MSANTD4: variants seen among roughly 807,000 people sequenced by gnomAD.
The protein encoded by MSANTD4 is Myb/SANT DNA binding domain containing 4 with coiled-coils.
MSANTD4 carries 13 observed loss-of-function variants against 34.3 expected under a neutral mutation model. The ratio of observed to expected loss-of-function variants is 0.38; its 90% CI spans 0.25 to 0.60. The LOEUF (loss-of-function observed/expected upper bound fraction) is 0.60. MSANTD4 is among the 20% of genes least tolerant of loss of function. The pLI, the probability that MSANTD4 is intolerant of heterozygous loss-of-function variation, is 0.63. For synonymous variants in MSANTD4, 137 were observed against 145.2 expected (o/e 0.94, Z 0.41); for missense variants, 358 against 401.8 (o/e 0.89, Z 0.93).
rs529257784 is a variant in MSANTD4, at chr11:106,007,909, G to T, written c.*1626C>A. 2 of 152,726 alleles carry T rather than the reference G, an allele frequency of 1.3e-5. No individual in the cohort carries two copies. The highest frequency in any genetic ancestry group is 4.1e-4 in the South Asian group (2 of 4,824). 9.5% of individuals were successfully genotyped at this position (152,726 alleles called of 1,614,324 possible). A position where few individuals can be genotyped will look rare whatever the true frequency, so the allele number is the denominator to read the frequency against. ...ATCTGAAATTACAAATTCTCAGATA[G>T]TATAGGCAAATTTATTTCTATGGTA... On this transcript the variant is annotated 3_prime_UTR_variant, in exon 3 of 3. Transcript: ENST00000301919.
chr11:106,012,703 T>C (rs951884353), intron 1 of MSANTD4, among the ~76,000 whole-genome samples: 1 of 152,204 alleles, frequency 6.6e-6, no homozygotes, highest in Admixed American at 6.5e-5. Flanking sequence ...AAGTGGGACC[T>C]AGCAATCTGT....
chr11:106,016,715 G>A (rs966454692), intron 1 of MSANTD4, among the ~76,000 whole-genome samples: 9 of 152,322 alleles, frequency 5.9e-5, no homozygotes, highest in African/African-American at 2.2e-4. Flanking sequence ...CAGTTAGCCT[G>A]TAAGTGAAGA....
At chr11:106,015,992 T>C (rs1273118068) in intron 1 of MSANTD4, among the ~76,000 whole-genome samples, 2 of 152,076 alleles carry the variant, frequency 1.3e-5, no homozygotes, top group Non-Finnish European at 2.9e-5. Flanking sequence ...GCTTCCTGAG[T>C]AGCAAGGCAG....
At chr11:106,019,130 T>C (rs962814980) in intron 1 of MSANTD4, among the ~76,000 whole-genome samples, 1 of 152,182 alleles carries the variant, frequency 6.6e-6, no homozygotes, top group African/African-American at 2.4e-5. Context: ...TCTGGTCTTA[T>C]CCATCACCTC....
chr11:106,016,081 C>T (rs1209209533), intron 1 of MSANTD4, among the ~76,000 whole-genome samples: 1 of 152,162 alleles, frequency 6.6e-6, no homozygotes, highest in East Asian at 1.9e-4. Flanking sequence ...TGGTCTTGAA[C>T]TTTTTGCCTC....
At position 106,008,241 on chromosome 11, in the gene MSANTD4, G is replaced by C. The variant is rs1372217326; in HGVS notation, c.*1294C>G. 1 of 152,464 alleles carries C rather than the reference G, an allele frequency of 6.6e-6. No homozygotes were observed. The highest frequency in any genetic ancestry group is 1.5e-5 in the Non-Finnish European group (1 of 68,024). The allele number at this position is 152,464 out of a possible 1,614,324, so 9.4% of individuals were successfully genotyped here. ...TCAGAGAGCTGAAGGAAAATCATCA[G>C]GTCAAGCAAGCCCTTGGTCTCAGAA... On this transcript the variant is annotated 3_prime_UTR_variant, in exon 3 of 3. Coordinates refer to ENST00000301919, the MANE Select transcript of MSANTD4 (RefSeq NM_032424.3).
In MSANTD4 at chr11:106,009,548, CCTT is replaced by C. The variant is rs771394817; in HGVS notation, c.1022_1024del (p.Glu341del). On this transcript the variant is annotated inframe_deletion, in exon 3 of 3. Coordinates refer to ENST00000301919, the MANE Select transcript of MSANTD4 (RefSeq NM_032424.3). ...AGCCTGGAAAAATCACTGCAAGTGT[CCTT>C]CTTTCTGAATTCGAAGTCTGTCTTT... 2.5e-6 allele frequency: 4 copies of C among 1,600,556 alleles called. No homozygotes were observed. The highest frequency in any genetic ancestry group is 2.7e-5 in the African/African-American group (2 of 73,974).
rs781657978 is a variant in MSANTD4, at chr11:106,010,443, G to A, written c.462+13C>T. The A allele has an allele frequency of 1.2e-6, 2 of 1,601,398 alleles. No individual in the cohort carries two copies. Among genetic ancestry groups the A allele is most frequent in the Non-Finnish European group, 1.7e-6 (2 of 1,173,710 alleles). ...TGAAAAGATTAAAAGAGGGTACAGAGGCTAATACTTACTTCAGGACTCTGC... is the reference window on the plus strand; with the variant it reads ...TGAAAAGATTAAAAGAGGGTACAGAAGCTAATACTTACTTCAGGACTCTGC... On this transcript the variant is annotated intron_variant, in intron 2 of 2. Transcript: ENST00000301919.
At chr11:106,011,761 A>G (rs1859700331) in intron 1 of MSANTD4, among the ~76,000 whole-genome samples, 1 of 152,214 alleles carries the variant, frequency 6.6e-6, no homozygotes, top group South Asian at 2.1e-4. Flanking sequence ...TGAATGAAAG[A>G]GTCGATTTGC....
At chr11:106,011,362 C>T (rs1859684037) in intron 1 of MSANTD4, among the ~76,000 whole-genome samples, 1 of 152,176 alleles carries the variant, frequency 6.6e-6, no homozygotes, top group Admixed American at 6.5e-5. Context: ...CACTGGCCAT[C>T]TTTCAGCCAC....
rs575309489 is a variant in MSANTD4 at position 106,009,154 on chromosome 11, C to T, written c.*381G>A. ...CATTGCACAGTAGCAACCTTTTCCC[C>T]ACCCCAGTTTTGACAACCCAACATG... On this transcript the variant is annotated 3_prime_UTR_variant, in exon 3 of 3. Transcript: ENST00000301919. The T allele has an allele frequency of 3.5e-5, 6 of 171,988 alleles. No individual in the cohort carries two copies. In the East Asian group the frequency reaches 8.1e-4, roughly 23 times the overall value. The allele number at this position is 171,988 out of a possible 1,614,324, so 10.7% of individuals were successfully genotyped here.
chr11:106,012,303 C>T (rs576641937), intron 1 of MSANTD4, among the ~76,000 whole-genome samples: 1 of 152,280 alleles, frequency 6.6e-6, no homozygotes, highest in African/African-American at 2.4e-5. Context: ...CCTTAAACCA[C>T]CAAACAAAAG....
In MSANTD4 at chr11:106,021,312, T is replaced by C. The variant is rs1658937333; in HGVS notation, c.-501A>G. The C allele has an allele frequency of 1.3e-5, 2 of 152,210 alleles. No homozygotes were observed. The highest frequency in any genetic ancestry group is 2.9e-5 in the Non-Finnish European group (2 of 68,032). 9.4% of individuals were successfully genotyped at this position (152,210 alleles called of 1,614,324 possible). On this transcript the variant is annotated 5_prime_UTR_variant, in exon 1 of 3. Transcript: ENST00000301919. ...CATTTTCTAAAATCCCATTTCACAA[T>C]CGTTCTTCACTAGTTGGAAACAGGA...
chr11:106,009,836 T>A lies in MSANTD4; in HGVS notation c.737A>T (p.Glu246Val). Residue 246 changes from glutamate (E) to valine (V), a missense_variant, in exon 3 of 3, where the codon GAA becomes GTA. Glu to Val is a moderately radical substitution (Grantham distance 121). Coordinates refer to ENST00000301919, the MANE Select transcript of MSANTD4 (RefSeq NM_032424.3). ...CTTCTCTAGCTGAAGCCGCTCATGT[T>A]CCATGTCTAAATGCCGCAGCCTCTC... ...EKERLRHLDMEHERLQLEKER... is the reference protein window; with the variant it reads ...EKERLRHLDMVHERLQLEKER... 1 of 1,614,154 alleles carries A rather than the reference T, an allele frequency of 6.2e-7. No individual in the cohort carries two copies. The highest frequency in any genetic ancestry group is 8.5e-7 in the Non-Finnish European group (1 of 1,180,034).
At chr11:106,011,947 A>G (rs1422504936) in intron 1 of MSANTD4, among the ~76,000 whole-genome samples, 1 of 152,190 alleles carries the variant, frequency 6.6e-6, no homozygotes, top group Non-Finnish European at 1.5e-5. Context: ...CACAAATTCA[A>G]ACTCATTTTA....
chr11:106,015,323 T>C lies in MSANTD4; in HGVS notation c.-150-4256A>G, dbSNP rs146572017. On this transcript the variant is annotated intron_variant, in intron 1 of 2. Transcript: ENST00000301919. ...CGTAATTTTATTTGTAAAATGATAA[T>C]AACATTACTTCATAGAAATCCTATA... Among the ~76,000 whole-genome samples the C allele has an allele frequency of 5.2e-3, 792 of 152,288 alleles. 2 individuals are homozygous for C. Among genetic ancestry groups the C allele is most frequent in the Non-Finnish European group, 7.6e-3 (518 of 68,026 alleles).
chr11:106,015,193 T>C (rs1346745978), intron 1 of MSANTD4, among the ~76,000 whole-genome samples: 2 of 152,300 alleles, frequency 1.3e-5, no homozygotes, highest in African/African-American at 4.8e-5. Context: ...AGAGGTAGTG[T>C]GTGTAGTAGT....
At chr11:106,013,733 A>G (rs2134945730) in intron 1 of MSANTD4, among the ~76,000 whole-genome samples, 1 of 152,266 alleles carries the variant, frequency 6.6e-6, no homozygotes, top group Middle Eastern at 3.4e-3. Context: ...ATGGTGGTGC[A>G]CACCTATAAT....
chr11:106,018,416 T>C (rs527904389), intron 1 of MSANTD4, among the ~76,000 whole-genome samples: 19 of 152,288 alleles, frequency 1.2e-4, no homozygotes, highest in African/African-American at 4.1e-4. Context: ...AAAATACCTA[T>C]AACCAGTTCC....
Sources: allele counts gnomAD v4.1 joint callset (sites outside exome capture counted in the v4.1 genomes callset), GRCh38; gene constraint gnomAD v4.1.1; transcripts MANE v1.5; gene names NCBI Gene and HGNC (gene_info 2026-07-23, HGNC 2026-07-21).